Variants in ETFDH observed in about 807,000 individuals in gnomAD.
ETFDH encodes electron transfer flavoprotein-ubiquinone oxidoreductase, mitochondrial.
ETFDH carries 61 observed loss-of-function variants against 73.2 expected under a neutral mutation model. That is an observed-to-expected ratio of 0.83 (90% CI 0.68 to 1.03). The LOEUF (loss-of-function observed/expected upper bound fraction) is 1.03. ETFDH is among the 50% of genes least tolerant of loss of function. ETFDH has a pLI of 0.00. For missense variants in ETFDH, 685 were observed against 745.0 expected, an observed-to-expected ratio of 0.92 and a Z score of 0.94; for synonymous variants, 243 against 253.3, an observed-to-expected ratio of 0.96 and a Z score of 0.39.
Position 158,682,597 on chromosome 4 carries a change from G to A in ETFDH, c.405+173G>A, listed in dbSNP as rs112942784. ...TGCCCAGGCTGGAGTGCAATGGCGC[G>A]ATCTTGGCTCACTGCAACCTCCACC... On this transcript the variant is annotated intron_variant, in intron 3 of 12. Coordinates refer to ENST00000511912, the MANE Select transcript of ETFDH (RefSeq NM_004453.4). 0.012 allele frequency among the ~76,000 whole-genome samples: 1,754 copies of A among 150,622 alleles called. 26 individuals are homozygous for A. The highest frequency in any genetic ancestry group is 0.038 in the African/African-American group (1,559 of 40,944).
rs763487621 is a variant in ETFDH, at chr4:158,706,635, A to C, written c.1475A>C (p.Asp492Ala). 3.7e-6 allele frequency: 6 copies of C among 1,613,166 alleles called. No homozygotes were observed. Among genetic ancestry groups the C allele is most frequent in the Non-Finnish European group, 1.7e-6 (2 of 1,179,216 alleles). ...TCCCTCAAAATTGTTGAAGGTTCTG[A>C]CTTTGAACGGCTCAAGCCAGCCAAG... ...EPWTLKHKGS[D>A]FERLKPAKDC... Residue 492 changes from aspartate (D) to alanine (A), a missense_variant, in exon 12 of 13, where the codon GAC becomes GCC. Around this residue, in one of 3 missense-constraint regions of ETFDH, gnomAD observed 201 missense variants for 225.2 expected, o/e 0.89. Coordinates refer to ENST00000511912, the MANE Select transcript of ETFDH (RefSeq NM_004453.4).
chr4:158,675,148 G>T (rs1773680398), intron 1 of ETFDH, among the ~76,000 whole-genome samples: 1 of 152,112 alleles, frequency 6.6e-6, no homozygotes, highest in African/African-American at 2.4e-5. Flanking sequence ...AACCATCACT[G>T]CAGTCTATTT....
In ETFDH at chr4:158,708,345, ATTTATT is replaced by A. The variant is rs1227387563; in HGVS notation, c.1691-14_1691-9del. On this transcript the variant is annotated splice_polypyrimidine_tract_variant and intron_variant, in intron 12 of 12. Coordinates refer to ENST00000511912, the MANE Select transcript of ETFDH (RefSeq NM_004453.4). ...TTTTAAAGTTAGGCACTTCAATATTATTTATTTTTACTTTTCAGGAGTTTATGAATT... is the reference window on the plus strand; with the variant it reads ...TTTTAAAGTTAGGCACTTCAATATTATTTACTTTTCAGGAGTTTATGAATT... 5.0e-6 allele frequency: 8 copies of A among 1,594,488 alleles called. No homozygotes were observed. The African/African-American group carries it at 8.1e-5, about 16-fold the overall frequency.
At chr4:158,704,538 C>G (rs1046465987) in intron 10 of ETFDH, among the ~76,000 whole-genome samples, 5 of 152,198 alleles carry the variant, frequency 3.3e-5, no homozygotes, top group African/African-American at 1.2e-4. Context: ...ATGCACAACA[C>G]ACAGCACACA....
chr4:158,708,213 C>A, intron 12 of ETFDH, 151 bp from the exon 13 acceptor site: 1 of 618,106 alleles, frequency 1.6e-6, no homozygotes. Context: ...ACATCAATAG[C>A]AATGCACCAA....
chr4:158,682,380 C>G lies in ETFDH; in HGVS notation c.361C>G (p.Pro121Ala). Residue 121 changes from proline to alanine, a missense_variant, in exon 3 of 13, where the codon CCA (proline) becomes GCA (alanine). Physicochemically the swap from Pro to Ala is conservative, Grantham distance 27 (BLOSUM62 -1). Around this residue, in one of 3 missense-constraint regions of ETFDH, gnomAD observed 405 missense variants for 399.3 expected, o/e 1.01. Transcript: ENST00000511912. The part of the protein sequence containing the change: ...AHTLSGACLD[P>A]GAFKELFPDW... ...TACTCTCTCAGGGGCTTGCCTTGAT[C>G]CAGGTGCTTTTAAAGAACTCTTCCC... The G allele has an allele frequency of 6.2e-7, 1 of 1,614,024 alleles. No individual in the cohort carries two copies. The highest frequency in any genetic ancestry group is 8.5e-7 in the Non-Finnish European group (1 of 1,179,980).
chr4:158,692,888 A>ATATAT (rs1410503604), intron 6 of ETFDH, among the ~76,000 whole-genome samples: 5 of 119,104 alleles, frequency 4.2e-5, no homozygotes, highest in African/African-American at 1.6e-4. Context: ...AAAAAAAAAA[A>ATATAT]ACATATATAT....
chr4:158,707,159 CTGTA>C (rs1181135530), intron 12 of ETFDH, among the ~76,000 whole-genome samples: 1 of 152,106 alleles, frequency 6.6e-6, no homozygotes, highest in Non-Finnish European at 1.5e-5. Flanking sequence ...GGCAGCTCAT[CTGTA>C]TGTATTTGGG....
intron 7 of ETFDH, among the ~76,000 whole-genome samples, chr4:158,696,795 A>G (rs1001146490): frequency 1.3e-5 from 2 of 152,206 alleles, no homozygotes; most frequent in Non-Finnish European, 2.9e-5. Flanking sequence ...ATACATGTCC[A>G]TTATGAAGAG....
chr4:158,704,346 C>T (rs746199156), intron 10 of ETFDH, among the ~76,000 whole-genome samples: 1 of 152,278 alleles, frequency 6.6e-6, no homozygotes, highest in South Asian at 2.1e-4. Context: ...AGCACTTATA[C>T]CTCCGTAAAG....
chr4:158,682,554 A>G (rs1773891817), intron 3 of ETFDH, 130 bp downstream of exon 3: 2 of 742,804 alleles, frequency 2.7e-6, no homozygotes, highest in East Asian at 5.4e-5. Flanking sequence ...TTTTTTTGAG[A>G]TGGAGTTTCA....
At chr4:158,676,003 C>A (rs749937605) in intron 1 of ETFDH, among the ~76,000 whole-genome samples, 2 of 152,080 alleles carry the variant, frequency 1.3e-5, no homozygotes, top group Non-Finnish European at 2.9e-5. Context: ...TTATTGAAAC[C>A]GCCCAACAGG....
intron 1 of ETFDH, among the ~76,000 whole-genome samples, chr4:158,675,349 T>C (rs1773684582): frequency 6.6e-6 from 1 of 152,254 alleles, no homozygotes; most frequent in Non-Finnish European, 1.5e-5. Context: ...CAAAGTTCTA[T>C]GTGGTAGCAT....
chr4:158,697,811 T>G (rs1337525144), intron 8 of ETFDH, 112 bp downstream of exon 8: 1 of 1,013,364 alleles, frequency 9.9e-7, no homozygotes, highest in East Asian at 2.4e-5. Flanking sequence ...TATTTAAAGC[T>G]TTCTAATTTT....
At position 158,697,619 on chromosome 4, in the gene ETFDH, C is replaced by T. The variant is rs1774344831; in HGVS notation, c.892C>T (p.Pro298Ser). Residue 298 changes from proline to serine, a missense_variant, in exon 8 of 13, where the codon CCC becomes TCC. By Grantham distance (74) the Pro-to-Ser change is moderately conservative. Around this residue, in one of 3 missense-constraint regions of ETFDH, gnomAD observed 405 missense variants for 399.3 expected, o/e 1.01. Coordinates refer to ENST00000511912, the MANE Select transcript of ETFDH (RefSeq NM_004453.4). ...PGRVDHTVGW[P>S]LDRHTYGGSF... ...GAGAGTAGATCACACTGTTGGTTGGCCCTTGGACAGACATACCTATGGAGG... is the reference window on the plus strand; with the variant it reads ...GAGAGTAGATCACACTGTTGGTTGGTCCTTGGACAGACATACCTATGGAGG... 1.2e-6 allele frequency: 2 copies of T among 1,612,396 alleles called. No homozygotes were observed. Among genetic ancestry groups the T allele is most frequent in the Non-Finnish European group, 1.7e-6 (2 of 1,179,032 alleles).
At chr4:158,687,260 A>C (rs1050972300) in intron 5 of ETFDH, among the ~76,000 whole-genome samples, 2 of 152,202 alleles carry the variant, frequency 1.3e-5, no homozygotes, top group African/African-American at 4.8e-5. Flanking sequence ...TAGGAAGATA[A>C]GGGAACTTCA....
chr4:158,685,292 G>A (rs1561240075), intron 5 of ETFDH, 73 bp downstream of exon 5: 10 of 821,168 alleles, frequency 1.2e-5, no homozygotes, highest in African/African-American at 8.6e-5. Context: ...ATTTTATAAA[G>A]TTGAAGAAAT....
intron 5 of ETFDH, 28 bp downstream of exon 5, chr4:158,685,247 A>G (rs1773975372): frequency 1.7e-6 from 2 of 1,191,168 alleles, no homozygotes; most frequent in Non-Finnish European, 2.5e-6. Flanking sequence ...TTGTTTTAAT[A>G]TTTATAGGAA....
chr4:158,705,128 A>G (rs1774573249), intron 10 of ETFDH, among the ~76,000 whole-genome samples: 1 of 152,220 alleles, frequency 6.6e-6, no homozygotes, highest in Non-Finnish European at 1.5e-5. Context: ...GGAGTCCACC[A>G]AAAGCCGTAA....
Sources: gnomAD v4.1 joint callset for allele counts (sites outside exome capture counted in the v4.1 genomes callset) on GRCh38, gnomAD v4.1.1 for gene constraint, gnomAD v4.1.1 regional missense constraint, MANE v1.5 for transcripts, NCBI Gene and HGNC (gene_info 2026-07-23, HGNC 2026-07-21) for gene names.